Variants in PER1 observed in about 807,000 individuals in gnomAD.
PER1 encodes the protein period circadian regulator 1.
A neutral mutation model predicts 125.9 loss-of-function variants in PER1; 87 were observed. That is an observed-to-expected ratio of 0.69 (90% CI 0.58 to 0.83). The LOEUF (loss-of-function observed/expected upper bound fraction) is 0.83, where lower values mean the gene tolerates loss of function less well. Ranked by LOEUF, PER1 falls within the 40% of genes least tolerant of loss-of-function variation. The pLI, the probability that PER1 is intolerant of heterozygous loss-of-function variation, is 0.00. For missense variants in PER1, 1,775 were observed against 1,722.8 expected, an observed-to-expected ratio of 1.03 and a Z score of -0.54; for synonymous variants, 801 against 714.7, an observed-to-expected ratio of 1.12 and a Z score of -1.93.
Position 8,147,785 on chromosome 17 carries a change from C to T in PER1, c.1277G>A (p.Arg426His). 1.2e-6 allele frequency: 2 copies of T among 1,613,982 alleles called. No homozygotes were observed. Among genetic ancestry groups the T allele is most frequent in the Non-Finnish European group, 1.7e-6 (2 of 1,179,988 alleles). ...AGQPFDHSPI[R>H]FCARNGEYVT... ...ATACTCCCCGTTGCGGGCACAGAAG[C>T]GGATAGGGGAGTGGTCAAAGGGCTG... is the stretch of plus-strand genomic sequence containing the variant. The change falls in exon 11 of 23, where the codon CGC becomes CAC. Residue 426 changes from arginine to histidine, a missense_variant. Arg to His is a conservative substitution (Grantham distance 29). Transcript: ENST00000317276.
At chr17:8,150,973 G>C (rs578262062) in intron 1 of PER1, 128 bp from the exon 2 acceptor site, 90 of 448,678 alleles carry the variant, frequency 2.0e-4, no homozygotes, top group African/African-American at 1.6e-3. Context: ...ACCCAGGCCT[G>C]GGGCTTCCAA....
intron 7 of PER1, 59 bp downstream of exon 7, chr17:8,149,200 A>G (rs146849461): frequency 5.6e-6 from 6 of 1,070,558 alleles, no homozygotes; most frequent in African/African-American, 3.9e-5. Context: ...AAAAGCAAAA[A>G]CAAAAACAAA....
chr17:8,148,601 C>A, intron 8 of PER1, 43 bp downstream of exon 8: 1 of 1,554,760 alleles, frequency 6.4e-7, no homozygotes, highest in Non-Finnish European at 8.7e-7. Flanking sequence ...AGGAAATGTC[C>A]TTCCTCCCAG....
intron 1 of PER1, among the ~76,000 whole-genome samples, chr17:8,151,141 A>T (rs1377853276): frequency 6.6e-6 from 1 of 152,196 alleles, no homozygotes; most frequent in Non-Finnish European, 1.5e-5. Context: ...CCAAGTTCCC[A>T]TTAGGTGTCC....
chr17:8,149,723 C>T (rs774648154), intron 5 of PER1, 32 bp downstream of exon 5: 57 of 1,612,518 alleles, frequency 3.5e-5, no homozygotes, highest in Admixed American at 5.0e-5. Context: ...AGTAGGGGTG[C>T]GTCGGGATGC....
At position 8,147,673 on chromosome 17, in the gene PER1, C is replaced by T. The variant is rs2151861043; in HGVS notation, c.1388+1G>A. The T allele has an allele frequency of 6.2e-7, 1 of 1,613,992 alleles. No individual in the cohort carries two copies. Among genetic ancestry groups the T allele is most frequent in the Non-Finnish European group, 8.5e-7 (1 of 1,180,010 alleles). On this transcript the variant is annotated splice_donor_variant, in intron 11 of 22. Transcript: ENST00000317276. LOFTEE classifies it high-confidence loss of function. ...CCAGCTCGGGGGCATGGCCCACTTA[C>T]GTGCGTACTTTGTGGCGGCCCAACA... is the stretch of plus-strand genomic sequence containing the variant.
At position 8,149,887 on chromosome 17, in the gene PER1, G is replaced by C. The variant is rs1343215737; in HGVS notation, c.530-11C>G. ...AGTATTCCTGGTTGGCTGCAGAGTGGAGGCAGTGAGGCATTCAGTAAGGAG... is the reference window on the plus strand; with the variant it reads ...AGTATTCCTGGTTGGCTGCAGAGTGCAGGCAGTGAGGCATTCAGTAAGGAG... On this transcript the variant is annotated splice_polypyrimidine_tract_variant and intron_variant, in intron 4 of 22. Transcript: ENST00000317276. 3.1e-6 allele frequency: 5 copies of C among 1,614,020 alleles called. 1 individual carries two copies. In the South Asian group the frequency reaches 3.3e-5, roughly 11 times the overall value.
In PER1 at chr17:8,141,113, G is replaced by A; in HGVS notation, c.3828C>T (p.Ser1276=). 1 of 1,614,148 alleles carries A rather than the reference G, an allele frequency of 6.2e-7. No homozygotes were observed. The highest frequency in any genetic ancestry group is 1.1e-5 in the South Asian group (1 of 91,074). ...LAMEEEEEGR[S]SSSPALPTAG... is the part of the protein sequence containing the mutation. ...CTGTAGGTAAGGCTGGACTGGATGAGCTCCTGCCTTCTTCCTCCTCCTCCA... is the reference window on the plus strand; with the variant it reads ...CTGTAGGTAAGGCTGGACTGGATGAACTCCTGCCTTCTTCCTCCTCCTCCA... Residue 1276 remains serine (S), a synonymous_variant, in exon 23 of 23, where the codon AGC becomes AGT. Coordinates refer to ENST00000317276, the MANE Select transcript of PER1 (RefSeq NM_002616.3).
At position 8,143,557 on chromosome 17, in the gene PER1, C is replaced by A; in HGVS notation, c.2781G>T (p.Leu927=). 6.7e-7 allele frequency: 1 copy of A among 1,485,250 alleles called. No individual in the cohort carries two copies. The highest frequency in any genetic ancestry group is 9.0e-7 in the Non-Finnish European group (1 of 1,112,802). 92.0% of individuals were successfully genotyped at this position (1,485,250 alleles called of 1,614,324 possible). The change falls in exon 19 of 23, where the codon CTG becomes CTT. Residue 927 remains leucine, a synonymous_variant. Transcript: ENST00000317276. ...PMVALVLPNY[L]FPTPSSYPYG... ...AAGGATAGCTGGATGGGGTTGGGAA[C>A]AGATAGTTAGGGAGCACCAAGGCCA...
At position 8,149,324 on chromosome 17, in the gene PER1, G is replaced by A. The variant is rs774851926; in HGVS notation, c.854-14C>T. On this transcript the variant is annotated splice_polypyrimidine_tract_variant and intron_variant, in intron 6 of 22. Transcript: ENST00000317276. ...TGAGGCCTGAACCTGGGACAGACAG[G>A]AGAGGAGTGAGCACAGCTTCCTGCC... 6.8e-6 allele frequency: 11 copies of A among 1,613,794 alleles called. No homozygotes were observed. In the South Asian group the frequency reaches 8.8e-5, roughly 13 times the overall value.
chr17:8,149,138 G>A (rs1036146280), intron 7 of PER1, 121 bp downstream of exon 7: 53 of 904,724 alleles, frequency 5.9e-5, no homozygotes, highest in East Asian at 2.0e-4. Flanking sequence ...GCAGTGAGCC[G>A]AGATCGTGCC....
At chr17:8,141,671 T>C (rs1303503901) in intron 22 of PER1, 134 bp downstream of exon 22, 5 of 1,052,750 alleles carry the variant, frequency 4.7e-6, no homozygotes, top group Admixed American at 2.4e-5. Flanking sequence ...ATCAAGGAGA[T>C]CAGCTCTTGG....
At chr17:8,142,010 AC>A (rs745634215) in intron 21 of PER1, 55 bp from the exon 22 acceptor site, 14 of 1,605,866 alleles carry the variant, frequency 8.7e-6, no homozygotes, top group Non-Finnish European at 7.6e-6. Flanking sequence ...CCGGACCAGG[AC>A]CCATGAAGCT....
chr17:8,147,820 C>T lies in PER1; in HGVS notation c.1242G>A (p.Gln414=). 2 of 1,613,836 alleles carry T rather than the reference C, an allele frequency of 1.2e-6. No homozygotes were observed. Among genetic ancestry groups the T allele is most frequent in the Middle Eastern group, 3.3e-4 (2 of 6,062 alleles). The change falls in exon 11 of 23, where the codon CAG becomes CAA. Residue 414 remains glutamine, a synonymous_variant. Coordinates refer to ENST00000317276, the MANE Select transcript of PER1 (RefSeq NM_002616.3). The part of the protein sequence containing the change: ...LMLAIHKKIL[Q]LAGQPFDHSP... ...AGTGGTCAAAGGGCTGGCCCGCCAA[C>T]TGCAGAACTGATGGAAGTGGGAAAG...
rs1266980055 is a variant in PER1 at position 8,148,251 on chromosome 17, T to C, written c.1057A>G (p.Ile353Val). 1 of 1,613,850 alleles carries C rather than the reference T, an allele frequency of 6.2e-7. No individual in the cohort carries two copies. The highest frequency in any genetic ancestry group is 1.1e-5 in the South Asian group (1 of 91,074). ...RIHSGYEAPR[I>V]PPDKRIFTTR... The stretch of plus-strand genomic sequence containing the variant: ...GTGAAAATCCTCTTGTCAGGGGGTA[T>C]CCGGGGAGCTGAGGCACAGAGAGTG... The change falls in exon 9 of 23, where the codon ATA (isoleucine) becomes GTA (valine). Residue 353 changes from isoleucine (I) to valine (V), a missense_variant. Coordinates refer to ENST00000317276, the MANE Select transcript of PER1 (RefSeq NM_002616.3).
chr17:8,148,325 T>G, intron 8 of PER1, 66 bp from the exon 9 acceptor site: 1 of 1,325,250 alleles, frequency 7.5e-7, no homozygotes, highest in South Asian at 1.2e-5. Flanking sequence ...CCCTCCACTC[T>G]GCCTGGGCCC....
intron 17 of PER1, 133 bp downstream of exon 17, chr17:8,145,825 T>C: frequency 3.1e-6 from 3 of 982,846 alleles, no homozygotes; most frequent in Non-Finnish European, 3.0e-6. Flanking sequence ...CAAGAAGCAG[T>C]AGCCCCAAGC....
Position 8,149,967 on chromosome 17 carries a change from T to C in PER1, c.529+4A>G. The C allele has an allele frequency of 6.2e-7, 1 of 1,613,464 alleles. No individual in the cohort carries two copies. The highest frequency in any genetic ancestry group is 1.1e-5 in the South Asian group (1 of 91,088). On this transcript the variant is annotated splice_donor_region_variant and intron_variant, in intron 4 of 22. Transcript: ENST00000317276. ...GCCATTCCCTCTTGGGACACACCAC[T>C]TACCCTGCACCTGCTTGACACAGGC...
At position 8,143,411 on chromosome 17, in the gene PER1, G is replaced by A. The variant is rs1433324533; in HGVS notation, c.2927C>T (p.Ser976Leu). ...PHRPDSPLFN[S>L]RCSSPLQLNL... is the part of the protein sequence containing the mutation. ...GAGCTGGAGTGGAGAGCTGCATCTC[G>A]AGTTGAACAGTGGAGAGTCCGGGCG... Residue 976 changes from serine to leucine, a missense_variant, in exon 19 of 23, where the codon TCG becomes TTG. By Grantham distance (145) the Ser-to-Leu change is moderately radical. Transcript: ENST00000317276. 1.2e-6 allele frequency: 2 copies of A among 1,613,462 alleles called. No homozygotes were observed. Among genetic ancestry groups the A allele is most frequent in the Non-Finnish European group, 1.7e-6 (2 of 1,179,816 alleles).
Sources: gnomAD v4.1 joint callset for allele counts (sites outside exome capture counted in the v4.1 genomes callset) on GRCh38, gnomAD v4.1.1 for gene constraint, MANE v1.5 for transcripts, NCBI Gene and HGNC (gene_info 2026-07-23, HGNC 2026-07-21) for gene names.